The following HS6ST1 variants were observed in gnomAD, a reference collection of about 807,000 sequenced individuals.
The protein encoded by HS6ST1 is heparan-sulfate 6-O-sulfotransferase 1.
In HS6ST1, 3 loss-of-function variants were observed where a neutral mutation model predicts 25.2. The ratio of observed to expected loss-of-function variants is 0.12; its 90% CI spans 0.05 to 0.31. HS6ST1 has a LOEUF of 0.31. Among genes scored for constraint, HS6ST1 ranks in the 10% least tolerant of loss-of-function variants. The pLI, the probability that HS6ST1 is intolerant of heterozygous loss-of-function variation, is 1.00. For synonymous variants in HS6ST1, 204 were observed against 275.1 expected (o/e 0.74, Z 2.56); for missense variants, 310 against 609.6 (o/e 0.51, Z 5.18).
chr2:128,275,668 C>A (rs1489500052), intron 1 of HS6ST1, among the ~76,000 whole-genome samples: 1 of 152,224 alleles, frequency 6.6e-6, no homozygotes, highest in South Asian at 2.1e-4. Flanking sequence ...ACAGGCAATA[C>A]CAGGAGAGCG....
chr2:128,317,966 A>G, intron 1 of HS6ST1, 71 bp downstream of exon 1: 2 of 1,386,480 alleles, frequency 1.4e-6, no homozygotes, highest in Non-Finnish European at 1.8e-6. Flanking sequence ...CCGACCCAGT[A>G]CAGCACGGCG....
chr2:128,291,598 C>A (rs1316631935), intron 1 of HS6ST1, among the ~76,000 whole-genome samples: 1 of 152,244 alleles, frequency 6.6e-6, no homozygotes, highest in African/African-American at 2.4e-5. Flanking sequence ...GACCTGGGTC[C>A]TCCACAGGCT....
intron 1 of HS6ST1, among the ~76,000 whole-genome samples, chr2:128,306,813 G>T (rs907682405): frequency 3.9e-5 from 6 of 152,230 alleles, no homozygotes. Context: ...CACAGGGACA[G>T]CCCTGGGTGC....
Position 128,299,166 on chromosome 2 carries a change from G to T in HS6ST1, c.527+18871C>A, listed in dbSNP as rs1213444859. 6.6e-5 allele frequency among the ~76,000 whole-genome samples: 10 copies of T among 152,360 alleles called. No individual in the cohort carries two copies. The East Asian group carries it at 1.9e-3, about 29-fold the overall frequency. On this transcript the variant is annotated intron_variant, in intron 1 of 1. Transcript: ENST00000259241. ...CAGGGACAGAGCAGGCTTCGCAAGT[G>T]CCTGCCTCCTGCCATGCAGCAGAGA...
intron 1 of HS6ST1, among the ~76,000 whole-genome samples, chr2:128,283,759 T>C (rs1026145286): frequency 6.6e-6 from 1 of 152,176 alleles, no homozygotes; most frequent in Non-Finnish European, 1.5e-5. Context: ...AGGTGCCTGC[T>C]GGCAGGAAGT....
intron 1 of HS6ST1, among the ~76,000 whole-genome samples, chr2:128,279,086 GC>G (rs1191913079): frequency 6.6e-6 from 1 of 152,154 alleles, no homozygotes; most frequent in East Asian, 1.9e-4. Flanking sequence ...ATTAGACGGG[GC>G]CGGCCGCACC....
At chr2:128,314,844 G>C (rs77314014) in intron 1 of HS6ST1, among the ~76,000 whole-genome samples, 4,520 of 152,340 alleles carry the variant, frequency 0.03, 235 homozygotes, top group African/African-American at 0.1. Context: ...GGCCCCAAAT[G>C]AAGCCCACAT....
rs1402707072 is a variant in HS6ST1, at chr2:128,272,578, C to T, written c.528-3708G>A. On this transcript the variant is annotated intron_variant, in intron 1 of 1. Transcript: ENST00000259241. ...GGGACACAGCTGAGGGGAACAAAGG[C>T]CTCTCTGCCTGCGCCTGCAGGGGCA... Among the ~76,000 whole-genome samples the T allele has an allele frequency of 1.3e-5, 2 of 152,278 alleles. 1 individual carries two copies. The highest frequency in any genetic ancestry group is 4.1e-4 in the South Asian group (2 of 4,824).
At position 128,278,043 on chromosome 2, in the gene HS6ST1, C is replaced by T. The variant is rs548800648; in HGVS notation, c.528-9173G>A. ...AGAGTCTGGATTCTTACAGGACAAA[C>T]TTAGAACTGGCCTGGGAGCCCCACT... On this transcript the variant is annotated intron_variant, in intron 1 of 1. Coordinates refer to ENST00000259241, the MANE Select transcript of HS6ST1 (RefSeq NM_004807.3). 2.0e-5 allele frequency among the ~76,000 whole-genome samples: 3 copies of T among 152,380 alleles called. No homozygotes were observed. In the South Asian group the frequency reaches 6.2e-4, roughly 32 times the overall value.
intron 1 of HS6ST1, among the ~76,000 whole-genome samples, chr2:128,303,545 G>A (rs1055169598): frequency 6.6e-6 from 1 of 152,252 alleles, no homozygotes; most frequent in Admixed American, 6.5e-5. Flanking sequence ...ACACGCACCT[G>A]TCTGGGCCCA....
chr2:128,287,596 G>A (rs1184228412), intron 1 of HS6ST1, among the ~76,000 whole-genome samples: 1 of 152,238 alleles, frequency 6.6e-6, no homozygotes, highest in African/African-American at 2.4e-5. Context: ...TCCCAGCAGG[G>A]CCAGCTAGAG....
Position 128,268,158 on chromosome 2 carries a change from G to A in HS6ST1, c.*4C>T, listed in dbSNP as rs747446796. On this transcript the variant is annotated 3_prime_UTR_variant, in exon 2 of 2. Transcript: ENST00000259241. ...AAGAGGCCTCCCCGTGGCCACCACC[G>A]CCACTACCACTTCTCAATGATGTGG... 5.8e-5 allele frequency: 93 copies of A among 1,599,346 alleles called. 1 individual carries two copies. The highest frequency in any genetic ancestry group is 3.9e-4 in the South Asian group (35 of 89,812).
chr2:128,309,272 TCTC>T (rs1694255003), intron 1 of HS6ST1, among the ~76,000 whole-genome samples: 6 of 152,210 alleles, frequency 3.9e-5, no homozygotes, highest in Non-Finnish European at 8.8e-5. Flanking sequence ...TGAACTCTCA[TCTC>T]CTACCACTCC....
chr2:128,289,323 T>C (rs1017245994), intron 1 of HS6ST1, among the ~76,000 whole-genome samples: 2 of 152,222 alleles, frequency 1.3e-5, no homozygotes, highest in African/African-American at 2.4e-5. Flanking sequence ...ACTTCTGTGG[T>C]TGGTGCCTCC....
At position 128,290,853 on chromosome 2, in the gene HS6ST1, T is replaced by C. The variant is rs898049484; in HGVS notation, c.528-21983A>G. Among the ~76,000 whole-genome samples, 5 of 137,568 alleles carry C rather than the reference T, an allele frequency of 3.6e-5. No individual in the cohort carries two copies. In the Admixed American group the frequency reaches 3.8e-4, roughly 11 times the overall value. The allele number at this position is 137,568 out of a possible 152,430, so 90.2% of individuals were successfully genotyped here. A position where few individuals can be genotyped will look rare whatever the true frequency, so the allele number is the denominator to read the frequency against. On this transcript the variant is annotated intron_variant, in intron 1 of 1. Coordinates refer to ENST00000259241, the MANE Select transcript of HS6ST1 (RefSeq NM_004807.3). ...AAAAAAAAAAAAAAAAAATTTAGCA[T>C]GCATGATGGCACGCACCTATAAAGA...
At chr2:128,272,158 C>G (rs1693617569) in intron 1 of HS6ST1, among the ~76,000 whole-genome samples, 1 of 152,232 alleles carries the variant, frequency 6.6e-6, no homozygotes, top group Admixed American at 6.5e-5. Flanking sequence ...CTCAGGGCCT[C>G]TGCCGTGGAG....
intron 1 of HS6ST1, among the ~76,000 whole-genome samples, chr2:128,304,404 G>A (rs765230271): frequency 2.6e-5 from 4 of 152,354 alleles, no homozygotes; most frequent in Admixed American, 2.6e-4. Flanking sequence ...CCTGGTGAGA[G>A]GAGGGCCTCT....
chr2:128,302,181 G>T (rs1310135401), intron 1 of HS6ST1, among the ~76,000 whole-genome samples: 1 of 152,194 alleles, frequency 6.6e-6, no homozygotes, highest in African/African-American at 2.4e-5. Context: ...CTGCCTCAGG[G>T]AGTCTGAGAG....
Position 128,268,083 on chromosome 2 carries a change from C to G in HS6ST1, c.*79G>C. The stretch of plus-strand genomic sequence containing the variant: ...CAGGTTTGGGATGCTCATCCCTTGA[C>G]AGTCTTGGGTGGACCTGTCGTCTGT... On this transcript the variant is annotated 3_prime_UTR_variant, in exon 2 of 2. Coordinates refer to ENST00000259241, the MANE Select transcript of HS6ST1 (RefSeq NM_004807.3). The G allele has an allele frequency of 1.0e-6, 1 of 1,004,398 alleles. No homozygotes were observed. The highest frequency in any genetic ancestry group is 2.0e-5 in the Admixed American group (1 of 49,088). 62.2% of individuals were successfully genotyped at this position (1,004,398 alleles called of 1,614,324 possible). A position where few individuals can be genotyped will look rare whatever the true frequency, so the allele number is the denominator to read the frequency against.
Sources: gnomAD v4.1 joint callset for allele counts (sites outside exome capture counted in the v4.1 genomes callset) on GRCh38, gnomAD v4.1.1 for gene constraint, MANE v1.5 for transcripts, NCBI Gene and HGNC (gene_info 2026-07-23, HGNC 2026-07-21) for gene names.